SNAP23: variants seen among roughly 807,000 people sequenced by gnomAD.
SNAP23 encodes synaptosome associated protein 23, also known as synaptosomal-associated protein 23.
In SNAP23, 11 loss-of-function variants were observed where a neutral mutation model predicts 29.0. The ratio of observed to expected loss-of-function variants is 0.38; its 90% CI spans 0.24 to 0.63. SNAP23 has a LOEUF of 0.63. Among genes scored for constraint, SNAP23 ranks in the 20% least tolerant of loss-of-function variants. SNAP23 has a pLI of 0.58. For missense variants in SNAP23, 220 were observed against 253.9 expected (o/e 0.87, Z 0.91); for synonymous variants, 60 against 82.9 (o/e 0.72, Z 1.50).
At chr15:42,499,790 C>T (rs1054512447) in intron 1 of SNAP23, among the ~76,000 whole-genome samples, 1 of 152,114 alleles carries the variant, frequency 6.6e-6, no homozygotes, top group African/African-American at 2.4e-5. Flanking sequence ...ATTCTGTGAT[C>T]TCTATGATGA....
chr15:42,503,862 G>T (rs551409421), intron 1 of SNAP23, among the ~76,000 whole-genome samples: 1 of 152,096 alleles, frequency 6.6e-6, no homozygotes, highest in Non-Finnish European at 1.5e-5. Flanking sequence ...TTGCATTTGA[G>T]TTATAGACTT....
At position 42,516,366 on chromosome 15, in the gene SNAP23, T is replaced by G. The variant is rs144754148; in HGVS notation, c.266+1012T>G. 4.3e-3 allele frequency among the ~76,000 whole-genome samples: 657 copies of G among 152,132 alleles called. 2 individuals carry two copies. The highest frequency in any genetic ancestry group is 7.5e-3 in the Non-Finnish European group (510 of 67,992). On this transcript the variant is annotated intron_variant, in intron 5 of 7. Coordinates refer to ENST00000249647, the MANE Select transcript of SNAP23 (RefSeq NM_003825.4). ...TTTTTTTTGAGACGGAGTCTCACTC[T>G]GTTACCAGGCTGGAATGCAGTGGCG... is the stretch of plus-strand genomic sequence containing the variant.
rs536670594 is a variant in SNAP23, at chr15:42,497,429, A to C, written c.-15+1716A>C. ...TTGCCATGTTGGCCAGGCTGGTCTC[A>C]AACTCCTGACCTCAGGTTATCCACC... On this transcript the variant is annotated intron_variant, in intron 1 of 7. Coordinates refer to ENST00000249647, the MANE Select transcript of SNAP23 (RefSeq NM_003825.4). Among the ~76,000 whole-genome samples the C allele has an allele frequency of 2.0e-5, 3 of 151,898 alleles. No homozygotes were observed. The East Asian group carries it at 5.8e-4, about 30-fold the overall frequency.
intron 5 of SNAP23, among the ~76,000 whole-genome samples, chr15:42,525,485 A>G (rs1381914186): frequency 1.1e-4 from 1 of 9,118 alleles, no homozygotes; most frequent in African/African-American, 1.6e-4. Context: ...TTTTTTTGAG[A>G]CGGAGTCTCA....
intron 5 of SNAP23, among the ~76,000 whole-genome samples, chr15:42,519,796 C>T (rs758985765): frequency 4.6e-5 from 7 of 152,120 alleles, no homozygotes; most frequent in Admixed American, 6.5e-5. Flanking sequence ...AGCCACCACA[C>T]GCAACGTCAC....
chr15:42,530,815 T>C (rs2057558387), intron 7 of SNAP23, among the ~76,000 whole-genome samples: 1 of 152,250 alleles, frequency 6.6e-6, no homozygotes, highest in African/African-American at 2.4e-5. Flanking sequence ...GGTGAGTTTT[T>C]AAGCTTGGCT....
intron 1 of SNAP23, among the ~76,000 whole-genome samples, chr15:42,506,027 C>T (rs1251946465): frequency 6.6e-6 from 1 of 151,538 alleles, no homozygotes; most frequent in Non-Finnish European, 1.5e-5. Context: ...CTAACTGCAA[C>T]CACTCCCTCC....
chr15:42,511,619 G>A (rs1312488202), intron 1 of SNAP23, among the ~76,000 whole-genome samples: 1 of 152,058 alleles, frequency 6.6e-6, no homozygotes, highest in African/African-American at 2.4e-5. Context: ...TGTATTTTAG[G>A]TTCACCCTTG....
intron 1 of SNAP23, among the ~76,000 whole-genome samples, chr15:42,501,285 C>G (rs906092901): frequency 1.3e-5 from 2 of 152,292 alleles, no homozygotes; most frequent in Non-Finnish European, 2.9e-5. Flanking sequence ...ACCACTGAAG[C>G]CTTACATTGT....
chr15:42,521,902 T>C lies in SNAP23; in HGVS notation c.267-6360T>C, dbSNP rs977105115. 3 of 382,970 alleles carry C rather than the reference T, an allele frequency of 7.8e-6. No homozygotes were observed. In the Admixed American group the frequency reaches 1.3e-4, roughly 17 times the overall value. 23.7% of individuals were successfully genotyped at this position (382,970 alleles called of 1,614,324 possible). A position where few individuals can be genotyped will look rare whatever the true frequency, so the allele number is the denominator to read the frequency against. ...TGACAAATGTCTCTGATAACTAAGT[T>C]TTTGCTAAATAACATTTAAGATTAC... On this transcript the variant is annotated intron_variant, in intron 5 of 7. Coordinates refer to ENST00000249647, the MANE Select transcript of SNAP23 (RefSeq NM_003825.4).
chr15:42,499,409 T>G (rs2057249868), intron 1 of SNAP23, among the ~76,000 whole-genome samples: 1 of 152,144 alleles, frequency 6.6e-6, no homozygotes, highest in Non-Finnish European at 1.5e-5. Flanking sequence ...GAACACAACC[T>G]AGAACCAGAA....
At chr15:42,521,549 C>A (rs1397957380) in intron 5 of SNAP23, 2 of 1,512,820 alleles carry the variant, frequency 1.3e-6, no homozygotes, top group African/African-American at 2.8e-5. Flanking sequence ...CTGGCATTTA[C>A]TATTTTCTGC....
intron 1 of SNAP23, among the ~76,000 whole-genome samples, chr15:42,502,049 A>G (rs1490501584): frequency 2.4e-5 from 3 of 125,062 alleles, no homozygotes; most frequent in African/African-American, 9.1e-5. Context: ...TTTTTTTGAG[A>G]CGGAGTCTCG....
At chr15:42,525,261 G>T (rs1386467633) in intron 5 of SNAP23, among the ~76,000 whole-genome samples, 1 of 151,122 alleles carries the variant, frequency 6.6e-6, no homozygotes, top group Non-Finnish European at 1.5e-5. Flanking sequence ...CCAGCTATTC[G>T]GGAGGCTGAG....
chr15:42,522,716 TAAAA>T (rs10553237), intron 5 of SNAP23, among the ~76,000 whole-genome samples: 15 of 104,892 alleles, frequency 1.4e-4, no homozygotes, highest in East Asian at 5.6e-4. Context: ...CAACCAAAAC[TAAAA>T]AAAAAAAAAA....
chr15:42,518,102 GTAT>G (rs1339193444), intron 5 of SNAP23, among the ~76,000 whole-genome samples: 5 of 152,040 alleles, frequency 3.3e-5, no homozygotes, highest in Non-Finnish European at 5.9e-5. Context: ...AGAGAAGAAA[GTAT>G]TATCTCAGTT....
chr15:42,509,600 C>T lies in SNAP23; in HGVS notation c.-14-2233C>T, dbSNP rs184342718. Among the ~76,000 whole-genome samples, 598 of 152,052 alleles carry T rather than the reference C, an allele frequency of 3.9e-3. 3 individuals carry two copies. The highest frequency in any genetic ancestry group is 0.014 in the African/African-American group (569 of 41,526). The stretch of plus-strand genomic sequence containing the variant: ...GATTACAGGCGCTCACCACCACTCC[C>T]GGCTAATTTTTGTATTTTTAGTAGA... On this transcript the variant is annotated intron_variant, in intron 1 of 7. Coordinates refer to ENST00000249647, the MANE Select transcript of SNAP23 (RefSeq NM_003825.4).
At chr15:42,502,388 A>G (rs2057279798) in intron 1 of SNAP23, among the ~76,000 whole-genome samples, 1 of 152,182 alleles carries the variant, frequency 6.6e-6, no homozygotes, top group Non-Finnish European at 1.5e-5. Context: ...AAAACTAACC[A>G]GAAAGCATCA....
chr15:42,514,003 CG>C (rs5812225), intron 4 of SNAP23, among the ~76,000 whole-genome samples: 86,539 of 151,326 alleles, frequency 0.57, 29,865 homozygotes, highest in East Asian at 0.79. Flanking sequence ...TTAGTAGAGA[CG>C]GGGTTTTACC....
Sources: gnomAD v4.1 joint callset for allele counts (sites outside exome capture counted in the v4.1 genomes callset) on GRCh38, gnomAD v4.1.1 for gene constraint, MANE v1.5 for transcripts, NCBI Gene and HGNC (gene_info 2026-07-23, HGNC 2026-07-21) for gene names.